The following LPAR1 variants were observed in gnomAD, a reference collection of about 807,000 sequenced individuals.
LPAR1 encodes the protein LPA receptor 1.
A neutral mutation model predicts 23.8 loss-of-function variants in LPAR1; 5 were observed. The ratio of observed to expected loss-of-function variants is 0.21; its 90% CI spans 0.11 to 0.44. LPAR1 has a LOEUF of 0.44. Among genes scored for constraint, LPAR1 ranks in the 20% least tolerant of loss-of-function variants. The pLI is 0.99. For missense variants in LPAR1, 311 were observed against 482.8 expected (o/e 0.64, Z 3.33); for synonymous variants, 160 against 164.7 (o/e 0.97, Z 0.22).
rs185512372 is a variant in LPAR1 at position 110,889,372 on chromosome 9, T to C, written c.794-13650A>G. 5.7e-3 allele frequency among the ~76,000 whole-genome samples: 871 copies of C among 151,606 alleles called. 5 individuals are homozygous for C. Among genetic ancestry groups the C allele is most frequent in the Admixed American group, 8.8e-3 (134 of 15,222 alleles). On this transcript the variant is annotated intron_variant, in intron 5 of 5. Coordinates refer to ENST00000683809, the MANE Select transcript of LPAR1 (RefSeq NM_001351411.2). ...GACTCTGTCTCAAAAAATAAAAAAA[T>C]AAATAAAGAAAGAAAAAACCACATT...
intron 5 of LPAR1, among the ~76,000 whole-genome samples, chr9:110,921,355 T>G (rs2093621413): frequency 6.6e-6 from 1 of 152,202 alleles, no homozygotes. Context: ...AACTAAACTT[T>G]AAGAGCCAGT....
At chr9:110,948,510 A>G (rs973601713) in intron 4 of LPAR1, among the ~76,000 whole-genome samples, 1 of 152,220 alleles carries the variant, frequency 6.6e-6, no homozygotes, top group Non-Finnish European at 1.5e-5. Flanking sequence ...AAACTGTGCA[A>G]CACATAAATT....
intron 5 of LPAR1, among the ~76,000 whole-genome samples, chr9:110,919,507 A>G (rs1432715346): frequency 6.6e-6 from 1 of 152,220 alleles, no homozygotes. Flanking sequence ...TAAACCACTA[A>G]GTCTGTGACA....
intron 4 of LPAR1, among the ~76,000 whole-genome samples, chr9:110,953,914 T>C (rs2095651045): frequency 6.6e-6 from 1 of 152,068 alleles, no homozygotes; most frequent in Non-Finnish European, 1.5e-5. Flanking sequence ...CAAGGAACTA[T>C]GACACCTTCA....
chr9:110,940,558 T>A (rs1455334536), intron 5 of LPAR1, among the ~76,000 whole-genome samples: 1 of 152,224 alleles, frequency 6.6e-6, no homozygotes, highest in Non-Finnish European at 1.5e-5. Flanking sequence ...AACGTTAACC[T>A]GAATATAGTC....
Position 110,942,045 on chromosome 9 carries a change from T to C in LPAR1, c.169A>G (p.Ile57Val). 6.2e-7 allele frequency: 1 copy of C among 1,614,176 alleles called. No individual in the cohort carries two copies. Among genetic ancestry groups the C allele is most frequent in the Non-Finnish European group, 8.5e-7 (1 of 1,180,016 alleles). The part of the protein sequence containing the change: ...TVSKLVMGLG[I>V]TVCIFIMLAN... ...AACATGATGAAGATACAAACAGTGA[T>C]TCCAAGTCCCATCACCAGCTTGCTG... The change falls in exon 5 of 6, where the codon ATC (isoleucine) becomes GTC (valine). Residue 57 changes from isoleucine (I) to valine (V), a missense_variant. Transcript: ENST00000683809.
At chr9:110,966,626 A>G (rs995257800) in intron 4 of LPAR1, among the ~76,000 whole-genome samples, 1 of 152,150 alleles carries the variant, frequency 6.6e-6, no homozygotes, top group Non-Finnish European at 1.5e-5. Flanking sequence ...AAAATAATTT[A>G]AATTCAAATA....
At chr9:110,962,560 G>C (rs2096041728) in intron 4 of LPAR1, among the ~76,000 whole-genome samples, 1 of 152,152 alleles carries the variant, frequency 6.6e-6, no homozygotes, top group Admixed American at 6.5e-5. Context: ...CTTCCTTCAA[G>C]ATTGGAATTC....
chr9:110,886,971 C>G (rs2132924951), intron 5 of LPAR1, among the ~76,000 whole-genome samples: 1 of 152,028 alleles, frequency 6.6e-6, no homozygotes, highest in East Asian at 1.9e-4. Flanking sequence ...AAGGAAATTC[C>G]CCTTAGAATC....
chr9:110,893,140 C>A (rs1206604740), intron 5 of LPAR1, among the ~76,000 whole-genome samples: 1 of 152,196 alleles, frequency 6.6e-6, no homozygotes, highest in East Asian at 1.9e-4. Context: ...TGGACACACT[C>A]ATATACTGTT....
rs560546489 is a variant in LPAR1 at position 111,010,615 on chromosome 9, C to T, written c.-182+25507G>A. ...AAAGCCAATAATACTTAGCTGTTGC[C>T]GCCTTTCTTAATGACATAAAAACCC... On this transcript the variant is annotated intron_variant, in intron 2 of 5. Coordinates refer to ENST00000683809, the MANE Select transcript of LPAR1 (RefSeq NM_001351411.2). 2.0e-5 allele frequency among the ~76,000 whole-genome samples: 3 copies of T among 152,196 alleles called. No individual in the cohort carries two copies. In the East Asian group the frequency reaches 5.8e-4, roughly 29 times the overall value.
At chr9:110,980,907 C>T (rs546724060) in intron 2 of LPAR1, among the ~76,000 whole-genome samples, 1 of 151,942 alleles carries the variant, frequency 6.6e-6, no homozygotes, top group South Asian at 2.1e-4. Flanking sequence ...TAAATATGTA[C>T]AAATGTATAT....
chr9:110,928,450 C>A (rs1390346711), intron 5 of LPAR1, among the ~76,000 whole-genome samples: 1 of 152,072 alleles, frequency 6.6e-6, no homozygotes, highest in Non-Finnish European at 1.5e-5. Context: ...ATAAGTAGTT[C>A]TCATCTACTG....
chr9:110,895,288 T>C (rs2085920127), intron 5 of LPAR1, among the ~76,000 whole-genome samples: 1 of 152,200 alleles, frequency 6.6e-6, no homozygotes. Context: ...ACTCTGAGCA[T>C]GCTCAGAGTT....
intron 4 of LPAR1, among the ~76,000 whole-genome samples, chr9:110,955,479 G>A (rs1456880267): frequency 6.6e-6 from 1 of 151,922 alleles, no homozygotes; most frequent in Non-Finnish European, 1.5e-5. Flanking sequence ...AATAATGGTT[G>A]GTGACCTCAA....
chr9:110,927,683 T>G (rs2094137964), intron 5 of LPAR1, among the ~76,000 whole-genome samples: 1 of 152,114 alleles, frequency 6.6e-6, no homozygotes, highest in African/African-American at 2.4e-5. Context: ...TTTATAAAAT[T>G]TAGCTGTAAA....
intron 2 of LPAR1, among the ~76,000 whole-genome samples, chr9:111,012,249 TCAAACAAA>T (rs375456724): frequency 2.8e-4 from 42 of 151,970 alleles, no homozygotes; most frequent in African/African-American, 9.9e-4. Context: ...AAACCCTGTC[TCAAACAAA>T]CAAACAAACA....
chr9:110,913,501 TTA>T (rs58592740), intron 5 of LPAR1, among the ~76,000 whole-genome samples: 43,471 of 150,776 alleles, frequency 0.29, 6,742 homozygotes, highest in South Asian at 0.36. Context: ...TGAAAGGTAT[TTA>T]TATATATATG....
intron 5 of LPAR1, among the ~76,000 whole-genome samples, chr9:110,925,611 C>T (rs938645448): frequency 1.3e-5 from 2 of 152,324 alleles, no homozygotes; most frequent in Non-Finnish European, 1.5e-5. Context: ...CATCATTATA[C>T]AGGCCTATAA....
Sources: allele counts gnomAD v4.1 joint callset (sites outside exome capture counted in the v4.1 genomes callset), GRCh38; gene constraint gnomAD v4.1.1; transcripts MANE v1.5; gene names NCBI Gene and HGNC (gene_info 2026-07-23, HGNC 2026-07-21).